NLRC3: variants seen among roughly 807,000 people sequenced by gnomAD.
The protein encoded by NLRC3 is NLR family CARD domain-containing protein 3.
Under a neutral mutation model 91.6 loss-of-function variants are expected in NLRC3, and 87 were observed. The observed-to-expected ratio is 0.95, with a 90% CI of 0.80 to 1.14. The LOEUF (loss-of-function observed/expected upper bound fraction) is 1.14. NLRC3 is among the 50% of genes most tolerant of loss of function. The pLI is 0.00. For synonymous variants in NLRC3, 694 were observed against 625.3 expected, an observed-to-expected ratio of 1.11 and a Z score of -1.64; for missense variants, 1,577 against 1,418.6, an observed-to-expected ratio of 1.11 and a Z score of -1.79.
intron 10 of NLRC3, among the ~76,000 whole-genome samples, chr16:3,551,690 C>G (rs2039015589): frequency 1.3e-5 from 2 of 149,200 alleles, no homozygotes; most frequent in Non-Finnish European, 3.0e-5. Context: ...CTTCCATTCA[C>G]TCATTCATCC....
At chr16:3,555,405 G>A (rs776522680) in intron 8 of NLRC3, among the ~76,000 whole-genome samples, 5 of 152,106 alleles carry the variant, frequency 3.3e-5, no homozygotes, top group Non-Finnish European at 7.4e-5. Flanking sequence ...GAGATGGGAA[G>A]CAGATTGGTG....
At chr16:3,565,548 T>C (rs1335614668) in intron 2 of NLRC3, among the ~76,000 whole-genome samples, 168 bp from the exon 3 acceptor site, 2 of 144,220 alleles carry the variant, frequency 1.4e-5, no homozygotes, top group Non-Finnish European at 3.0e-5. Flanking sequence ...CTGACTAACA[T>C]TCTGGAAAAG....
At position 3,541,545 on chromosome 16, in the gene NLRC3, C is replaced by T; in HGVS notation, c.*280G>A. On this transcript the variant is annotated 3_prime_UTR_variant, in exon 20 of 20. Coordinates refer to ENST00000359128, the MANE Select transcript of NLRC3 (RefSeq NM_178844.4). ...AAGCTGGAACCAGCCTCCTGTACTG[C>T]TCAGCTTTCAGGCCTTTGGCCCCTA... is the stretch of plus-strand genomic sequence containing the variant. 1 of 461,632 alleles carries T rather than the reference C, an allele frequency of 2.2e-6. No individual in the cohort carries two copies. Among genetic ancestry groups the T allele is most frequent in the Admixed American group, 3.5e-5 (1 of 28,744 alleles). 28.6% of individuals were successfully genotyped at this position (461,632 alleles called of 1,614,324 possible). A position where few individuals can be genotyped will look rare whatever the true frequency, so the allele number is the denominator to read the frequency against.
Position 3,564,740 on chromosome 16 carries a change from T to G in NLRC3, c.197A>C (p.His66Pro). The G allele has an allele frequency of 1.3e-6, 2 of 1,585,788 alleles. No individual in the cohort carries two copies. Among genetic ancestry groups the G allele is most frequent in the Non-Finnish European group, 1.7e-6 (2 of 1,171,868 alleles). The change falls in exon 5 of 20, where the codon CAC becomes CCC. Residue 66 changes from histidine to proline, a missense_variant. Transcript: ENST00000359128. The surrounding 1 kb of genome is among the most constrained non-coding windows in gnomAD (Gnocchi z 5.9). The stretch of plus-strand genomic sequence containing the variant: ...CACCTTGCTCAGCAGGGCCTTGCGG[T>G]GCCTCTGTATCCTTGAGTCTGCGGG... ...PCSNDSRIQR[H>P]RKALLSKVGG...
In NLRC3 at chr16:3,552,283, T is replaced by C. The variant is rs371691120; in HGVS notation, c.2268-4A>G. ...CCCGATGCTGTTCTTCTGCAGGCTG[T>C]GGGAGAAAAGAGAGGGGTCCTTTAG... On this transcript the variant is annotated splice_polypyrimidine_tract_variant and splice_region_variant and intron_variant, in intron 9 of 19. Transcript: ENST00000359128. The C allele has an allele frequency of 2.5e-6, 4 of 1,610,630 alleles. No individual in the cohort carries two copies. The highest frequency in any genetic ancestry group is 1.3e-5 in the African/African-American group (1 of 74,860).
At chr16:3,556,539 C>T (rs79627695) in intron 8 of NLRC3, among the ~76,000 whole-genome samples, 7,564 of 151,462 alleles carry the variant, frequency 0.05, 243 homozygotes, top group Admixed American at 0.069. Flanking sequence ...GAGTTTCACT[C>T]TGTCACCCAG....
intron 6 of NLRC3, among the ~76,000 whole-genome samples, chr16:3,558,437 C>T (rs1041375339): frequency 2.0e-5 from 3 of 152,184 alleles, no homozygotes; most frequent in African/African-American, 7.2e-5. Flanking sequence ...GCACCTCCAC[C>T]TTGCAAAATT....
At chr16:3,576,500 G>A (rs143525499) in intron 1 of NLRC3, among the ~76,000 whole-genome samples, 6 of 152,322 alleles carry the variant, frequency 3.9e-5, no homozygotes, top group African/African-American at 2.4e-5. Flanking sequence ...CAGGTCTGCC[G>A]ATTCCCCAGG....
chr16:3,577,357 C>A lies in NLRC3; in HGVS notation c.-377G>T. The A allele has an allele frequency of 1.7e-6, 1 of 593,936 alleles. No individual in the cohort carries two copies. The highest frequency in any genetic ancestry group is 2.9e-5 in the East Asian group (1 of 34,248). The allele number at this position is 593,936 out of a possible 1,614,324, so 36.8% of individuals were successfully genotyped here. A position where few individuals can be genotyped will look rare whatever the true frequency, so the allele number is the denominator to read the frequency against. ...GTGGGGGCCGAGAGCAGTGCAGCCC[C>A]GACCTTCTGCAGCCCCACCGAGCCC... On this transcript the variant is annotated 5_prime_UTR_variant, in exon 1 of 20. Transcript: ENST00000359128.
chr16:3,549,253 C>T, intron 12 of NLRC3, 28 bp from the exon 13 acceptor site: 1 of 1,521,092 alleles, frequency 6.6e-7, no homozygotes, highest in Non-Finnish European at 9.0e-7. Context: ...ACCTGAGCTT[C>T]TGACCGGGCA....
At chr16:3,547,772 G>A (rs1410916083) in intron 15 of NLRC3, among the ~76,000 whole-genome samples, 5 of 152,020 alleles carry the variant, frequency 3.3e-5, no homozygotes, top group African/African-American at 4.8e-5. Context: ...GAGTTTAAGC[G>A]ATTCTCCTGC....
chr16:3,564,745 CTG>C lies in NLRC3; in HGVS notation c.190_191del (p.Gln64GlufsTer159). The C allele has an allele frequency of 2.5e-6, 4 of 1,583,626 alleles. No individual in the cohort carries two copies. Among genetic ancestry groups the C allele is most frequent in the Non-Finnish European group, 3.4e-6 (4 of 1,170,546 alleles). On this transcript the variant is annotated frameshift_variant, in exon 5 of 20. Transcript: ENST00000359128. LOFTEE classifies it high-confidence loss of function. The surrounding 1 kb of genome is among the most constrained non-coding windows in gnomAD (Gnocchi z 5.9). ...TGCTCAGCAGGGCCTTGCGGTGCCT[CTG>C]TATCCTTGAGTCTGCGGGACAGAGG... ...LGPCSNDSRI[Q>X]RHRKALLSKV...
intron 15 of NLRC3, chr16:3,545,701 G>C (rs557648966): frequency 1.3e-5 from 2 of 152,326 alleles, no homozygotes; most frequent in South Asian, 2.1e-4. Context: ...GTCAACAGAA[G>C]GCTCCCAGAA....
chr16:3,549,154 A>T lies in NLRC3; in HGVS notation c.2591T>A (p.Leu864Gln). 1 of 1,578,832 alleles carries T rather than the reference A, an allele frequency of 6.3e-7. No individual in the cohort carries two copies. Residue 864 changes from leucine (L) to glutamine (Q), a missense_variant, in exon 13 of 20, where the codon CTG (leucine) becomes CAG (glutamine). Leu to Gln is a moderately radical substitution (Grantham distance 113, BLOSUM62 -2). Coordinates refer to ENST00000359128, the MANE Select transcript of NLRC3 (RefSeq NM_178844.4). ...CCCCACCACGTACTCCAGGTTCTTC[A>T]GGGTGCTGTTGGCGCAGAGGGCATG... ...IAHALCANST[L>Q]KNLDLTANLL...
chr16:3,568,815 C>A (rs2039982218), intron 1 of NLRC3, among the ~76,000 whole-genome samples: 1 of 152,108 alleles, frequency 6.6e-6, no homozygotes, highest in Non-Finnish European at 1.5e-5. Flanking sequence ...TTAGATCCTT[C>A]TGTAAAACTT....
At chr16:3,550,227 C>G (rs1372171757) in intron 11 of NLRC3, among the ~76,000 whole-genome samples, 187 bp downstream of exon 11, 1 of 152,226 alleles carries the variant, frequency 6.6e-6, no homozygotes, top group East Asian at 1.9e-4. Context: ...ACTCCAGACC[C>G]TACCCCAGCC....
intron 1 of NLRC3, among the ~76,000 whole-genome samples, chr16:3,569,191 G>C (rs2039993342): frequency 6.6e-6 from 1 of 151,402 alleles, no homozygotes; most frequent in Non-Finnish European, 1.5e-5. Context: ...GCGTGTGCCT[G>C]TAATCCCAGC....
chr16:3,567,873 T>C (rs2039945039), intron 1 of NLRC3, among the ~76,000 whole-genome samples: 1 of 151,422 alleles, frequency 6.6e-6, no homozygotes, highest in Admixed American at 6.6e-5. Context: ...TTTCTTTCTT[T>C]CTTTTTTTTT....
chr16:3,549,998 C>A (rs1318763351), intron 11 of NLRC3, among the ~76,000 whole-genome samples: 1 of 152,162 alleles, frequency 6.6e-6, no homozygotes, highest in Non-Finnish European at 1.5e-5. Flanking sequence ...GCACAACAAA[C>A]CCCCAAATGT....
Sources: gnomAD v4.1 joint callset for allele counts (sites outside exome capture counted in the v4.1 genomes callset) on GRCh38, gnomAD v4.1.1 for gene constraint, Gnocchi (gnomAD v3.1) non-coding constraint, MANE v1.5 for transcripts, NCBI Gene and HGNC (gene_info 2026-07-23, HGNC 2026-07-21) for gene names.